The following SCYL2 variants were observed in gnomAD, a reference collection of about 807,000 sequenced individuals.
The protein encoded by SCYL2 is SCY1-like protein 2.
In SCYL2, 36 loss-of-function variants were observed where a neutral mutation model predicts 100.4. The ratio of observed to expected loss-of-function variants is 0.36; its 90% CI spans 0.27 to 0.47. The LOEUF is 0.47. Among genes scored for constraint, SCYL2 ranks in the 20% least tolerant of loss-of-function variants. The pLI is 1.00. For synonymous variants in SCYL2, 330 were observed against 359.2 expected (o/e 0.92, Z 0.92); for missense variants, 902 against 1,083.9 (o/e 0.83, Z 2.36).
intron 2 of SCYL2, among the ~76,000 whole-genome samples, chr12:100,291,072 T>C (rs1441397809): frequency 6.6e-6 from 1 of 152,190 alleles, no homozygotes; most frequent in Non-Finnish European, 1.5e-5. Context: ...ATACTACAAA[T>C]TCATTTTTCT....
Position 100,313,516 on chromosome 12 carries a change from C to T in SCYL2, c.947C>T (p.Pro316Leu). 2 of 1,594,200 alleles carry T rather than the reference C, an allele frequency of 1.3e-6. No individual in the cohort carries two copies. Among genetic ancestry groups the T allele is most frequent in the South Asian group, 1.1e-5 (1 of 90,306 alleles). ...LLLNVTPTVR[P>L]DADQMTKIPF... ...TTAAATGTAACTCCGACTGTAAGAC[C>T]AGATGCAGATCAAATGACAAAGGTG... Residue 316 changes from proline to leucine, a missense_variant, in exon 7 of 18, where the codon CCA becomes CTA. Physicochemically the swap from Pro to Leu is moderately conservative, Grantham distance 98 (BLOSUM62 -3). Transcript: ENST00000360820.
At position 100,310,970 on chromosome 12, in the gene SCYL2, T is replaced by G. The variant is rs2096341434; in HGVS notation, c.481-74T>G. ...TTATTGTGAAGAGTAGCAATAATTA[T>G]TATTTTTGTGAGACATTTTATTATA... On this transcript the variant is annotated intron_variant, in intron 4 of 17. Coordinates refer to ENST00000360820, the MANE Select transcript of SCYL2 (RefSeq NM_017988.6). 2.2e-6 allele frequency: 3 copies of G among 1,344,226 alleles called. No homozygotes were observed. In the South Asian group the frequency reaches 5.8e-5, roughly 26 times the overall value. 83.3% of individuals were successfully genotyped at this position (1,344,226 alleles called of 1,614,324 possible).
intron 10 of SCYL2, among the ~76,000 whole-genome samples, chr12:100,318,691 C>T (rs1219977218): frequency 6.6e-6 from 1 of 152,108 alleles, no homozygotes; most frequent in Non-Finnish European, 1.5e-5. Context: ...CATAATTTTC[C>T]TTCTTGCTTG....
At chr12:100,277,106 G>A (rs919288793) in intron 1 of SCYL2, among the ~76,000 whole-genome samples, 15 of 152,002 alleles carry the variant, frequency 9.9e-5, no homozygotes, top group Non-Finnish European at 1.9e-4. Flanking sequence ...AAAGAGAATC[G>A]TTTGTATTAT....
At chr12:100,336,580 C>T (rs1348330383) in intron 16 of SCYL2, among the ~76,000 whole-genome samples, 3 of 152,016 alleles carry the variant, frequency 2.0e-5, no homozygotes, top group Non-Finnish European at 4.4e-5. Context: ...TTTATTCCAG[C>T]AGGGGTACAT....
chr12:100,295,146 A>G (rs773373521), intron 3 of SCYL2, among the ~76,000 whole-genome samples: 1 of 144,900 alleles, frequency 6.9e-6, no homozygotes, highest in Admixed American at 6.8e-5. Context: ...GGATGGCGGC[A>G]GGGAAGAGGC....
intron 1 of SCYL2, among the ~76,000 whole-genome samples, chr12:100,282,058 C>T (rs189452839): frequency 2.8e-4 from 43 of 152,112 alleles, no homozygotes; most frequent in African/African-American, 1.0e-3. Flanking sequence ...GGTGCTGTCA[C>T]CCAGCCTGGA....
rs1280175654 is a variant in SCYL2, at chr12:100,302,277, G to T, written c.480+4102G>T. Among the ~76,000 whole-genome samples the T allele has an allele frequency of 2.0e-5, 3 of 152,300 alleles. No homozygotes were observed. The East Asian group carries it at 5.8e-4, about 29-fold the overall frequency. ...ATCTGTCCCAGTTGTTGTCTCCCTAGATCTCCCTAGGACACTTGCCATCCT... is the reference window on the plus strand; with the variant it reads ...ATCTGTCCCAGTTGTTGTCTCCCTATATCTCCCTAGGACACTTGCCATCCT... On this transcript the variant is annotated intron_variant, in intron 4 of 17. Coordinates refer to ENST00000360820, the MANE Select transcript of SCYL2 (RefSeq NM_017988.6).
chr12:100,326,701 C>T lies in SCYL2; in HGVS notation c.1589C>T (p.Pro530Leu). The T allele has an allele frequency of 6.2e-7, 1 of 1,611,238 alleles. No homozygotes were observed. Among genetic ancestry groups the T allele is most frequent in the Non-Finnish European group, 8.5e-7 (1 of 1,178,932 alleles). ...DKWFVLDDIL[P>L]FLQQIPSKEP... ...TGGTTTGTACTTGATGATATCCTAC[C>T]CTTCTTACAACAAATTCCATCCAAG... Residue 530 changes from proline (P) to leucine (L), a missense_variant, in exon 12 of 18, where the codon CCC (proline) becomes CTC (leucine). By Grantham distance (98) the Pro-to-Leu change is moderately conservative. Transcript: ENST00000360820.
At chr12:100,291,146 T>C (rs2096310120) in intron 2 of SCYL2, among the ~76,000 whole-genome samples, 2 of 152,348 alleles carry the variant, frequency 1.3e-5, no homozygotes, top group East Asian at 1.9e-4. Context: ...TTTTGTAGTA[T>C]ACTTCACGAT....
At chr12:100,316,893 G>A (rs372151697) in intron 9 of SCYL2, among the ~76,000 whole-genome samples, 1 of 152,138 alleles carries the variant, frequency 6.6e-6, no homozygotes, top group East Asian at 1.9e-4. Context: ...CTTGAGCCCA[G>A]GAGTTCAAGA....
chr12:100,284,263 A>G (rs190461699), intron 2 of SCYL2, among the ~76,000 whole-genome samples: 2 of 152,276 alleles, frequency 1.3e-5, no homozygotes, highest in Non-Finnish European at 2.9e-5. Flanking sequence ...ATGATTTTGG[A>G]GCTTCTAGAA....
chr12:100,286,682 C>T (rs944915674), intron 2 of SCYL2, among the ~76,000 whole-genome samples: 1 of 151,992 alleles, frequency 6.6e-6, no homozygotes, highest in African/African-American at 2.4e-5. Context: ...TTGGGTTGGA[C>T]GTAATCCCTT....
At chr12:100,307,278 A>G (rs931903665) in intron 4 of SCYL2, among the ~76,000 whole-genome samples, 1 of 152,202 alleles carries the variant, frequency 6.6e-6, no homozygotes, top group African/African-American at 2.4e-5. Context: ...ACAGCATGGT[A>G]CTGATACCAA....
intron 4 of SCYL2, among the ~76,000 whole-genome samples, chr12:100,306,854 A>G (rs533971655): frequency 6.9e-6 from 1 of 145,056 alleles, no homozygotes; most frequent in Non-Finnish European, 1.5e-5. Flanking sequence ...GCAATAACAG[A>G]CAAACAGAGA....
intron 3 of SCYL2, among the ~76,000 whole-genome samples, chr12:100,297,096 A>T (rs538328589): frequency 6.6e-6 from 1 of 152,262 alleles, no homozygotes; most frequent in East Asian, 1.9e-4. Context: ...GTAGTTCTTC[A>T]TTGCCAGAGC....
At chr12:100,317,652 T>C in intron 9 of SCYL2, 151 bp from the exon 10 acceptor site, 4 of 1,403,726 alleles carry the variant, frequency 2.8e-6, no homozygotes, top group Non-Finnish European at 2.8e-6. Flanking sequence ...GAGACTTGAT[T>C]TGTGTGTTTT....
rs60955601 is a variant in SCYL2 at position 100,309,237 on chromosome 12, C to G, written c.481-1807C>G. On this transcript the variant is annotated intron_variant, in intron 4 of 17. Coordinates refer to ENST00000360820, the MANE Select transcript of SCYL2 (RefSeq NM_017988.6). The stretch of plus-strand genomic sequence containing the variant: ...GCCATCTTACTCTGCCCTCTTCCAT[C>G]TTAACCATTTTTAAGTGTACATTTG... 5.6e-3 allele frequency among the ~76,000 whole-genome samples: 851 copies of G among 152,158 alleles called. 8 individuals are homozygous for G. Among genetic ancestry groups the G allele is most frequent in the African/African-American group, 0.019 (777 of 41,526 alleles).
intron 1 of SCYL2, among the ~76,000 whole-genome samples, chr12:100,271,260 C>CAAAAAA (rs11354103): frequency 1.1e-4 from 9 of 83,330 alleles, no homozygotes; most frequent in African/African-American, 2.6e-4. Flanking sequence ...TGCAGAGCAG[C>CAAAAAA]AAAAAAAAAA....
Sources: gnomAD v4.1 joint callset for allele counts (sites outside exome capture counted in the v4.1 genomes callset) on GRCh38, gnomAD v4.1.1 for gene constraint, MANE v1.5 for transcripts, NCBI Gene and HGNC (gene_info 2026-07-23, HGNC 2026-07-21) for gene names.